Variants in SSH2 observed in about 807,000 individuals in gnomAD.
SSH2 encodes the protein protein phosphatase Slingshot homolog 2.
Under a neutral mutation model 135.2 loss-of-function variants are expected in SSH2, and 37 were observed. The observed-to-expected ratio is 0.27, with a 90% CI of 0.21 to 0.36. SSH2 has a LOEUF of 0.36. Ranked by LOEUF, SSH2 falls within the 10% of genes least tolerant of loss-of-function variation. The pLI is 1.00. For missense variants in SSH2, 1,408 were observed against 1,765.3 expected (o/e 0.80, Z 3.63); for synonymous variants, 628 against 646.2 (o/e 0.97, Z 0.43).
chr17:29,925,271 T>C (rs2067043880), intron 1 of SSH2: 1 of 364,518 alleles, frequency 2.7e-6, no homozygotes, highest in Non-Finnish European at 4.9e-6. Flanking sequence ...TAGGTATCAA[T>C]TCAGAAAATT....
At chr17:29,800,177 T>C (rs2042224956) in intron 2 of SSH2, among the ~76,000 whole-genome samples, 1 of 152,072 alleles carries the variant, frequency 6.6e-6, no homozygotes, top group Non-Finnish European at 1.5e-5. Flanking sequence ...AAATGAATAA[T>C]TTGCTTTCCC....
chr17:29,821,907 G>C (rs2042659012), intron 2 of SSH2, among the ~76,000 whole-genome samples: 1 of 152,098 alleles, frequency 6.6e-6, no homozygotes, highest in Non-Finnish European at 1.5e-5. Flanking sequence ...GCCTCCCAAG[G>C]TGCTGGGATT....
At chr17:29,741,934 C>CTTTTT (rs71138848) in intron 3 of SSH2, among the ~76,000 whole-genome samples, 15 of 97,926 alleles carry the variant, frequency 1.5e-4, no homozygotes, top group Non-Finnish European at 2.6e-4. Context: ...ATTTTTTTTT[C>CTTTTT]TTTTTTTTTT....
intron 3 of SSH2, among the ~76,000 whole-genome samples, chr17:29,746,177 T>C (rs1352012906): frequency 6.6e-6 from 1 of 152,072 alleles, no homozygotes; most frequent in Non-Finnish European, 1.5e-5. Flanking sequence ...CACTCATCTC[T>C]TAGGAAGAGA....
Position 29,631,096 on chromosome 17 carries a change from C to T in SSH2, c.4098G>A (p.Val1366=). The change falls in exon 16 of 16, where the codon GTG becomes GTA. Residue 1366 remains valine, a synonymous_variant. Transcript: ENST00000540801. ...TGGCATACTGCACAAGGGGCCTCTC[C>T]ACTGGCTTGCTCTGCACAATACACT... ...TTECIVQSKP[V]ERPLVQYAKE... The T allele has an allele frequency of 6.2e-7, 1 of 1,614,204 alleles. No individual in the cohort carries two copies. Among genetic ancestry groups the T allele is most frequent in the Non-Finnish European group, 8.5e-7 (1 of 1,180,050 alleles).
intron 3 of SSH2, among the ~76,000 whole-genome samples, chr17:29,714,315 G>A (rs2039540242): frequency 6.6e-6 from 1 of 151,564 alleles, no homozygotes; most frequent in African/African-American, 2.4e-5. Context: ...AAACTGTTCA[G>A]CATTTAAAAA....
At chr17:29,674,935 T>C (rs1346911464) in intron 8 of SSH2, among the ~76,000 whole-genome samples, 1 of 152,248 alleles carries the variant, frequency 6.6e-6, no homozygotes, top group Non-Finnish European at 1.5e-5. Context: ...AAGCTTGCTT[T>C]AGAACATCAA....
intron 8 of SSH2, among the ~76,000 whole-genome samples, chr17:29,673,070 A>C (rs971874139): frequency 6.6e-6 from 1 of 152,164 alleles, no homozygotes; most frequent in African/African-American, 2.4e-5. Flanking sequence ...GAACCCAAGA[A>C]GAGTAAACAA....
intron 3 of SSH2, among the ~76,000 whole-genome samples, chr17:29,724,773 A>G (rs2039943939): frequency 6.6e-6 from 1 of 150,576 alleles, no homozygotes; most frequent in South Asian, 2.1e-4. Context: ...GTATTTTAGT[A>G]GAGACAAGGT....
intron 1 of SSH2, among the ~76,000 whole-genome samples, chr17:29,904,250 T>TAA (rs2066612953): frequency 1.3e-5 from 2 of 152,100 alleles, no homozygotes; most frequent in South Asian, 4.1e-4. Context: ...GAGAAATCCT[T>TAA]AATAAAATAC....
At chr17:29,758,809 C>T (rs1001605833) in intron 3 of SSH2, among the ~76,000 whole-genome samples, 2 of 152,076 alleles carry the variant, frequency 1.3e-5, no homozygotes, top group Non-Finnish European at 2.9e-5. Flanking sequence ...CATGCAATGG[C>T]ACACTCATGG....
rs143486431 is a variant in SSH2, at chr17:29,632,112, C to A, written c.3082G>T (p.Val1028Phe). 13 of 1,614,034 alleles carry A rather than the reference C, an allele frequency of 8.1e-6. No individual in the cohort carries two copies. In the African/African-American group the frequency reaches 1.5e-4, roughly 18 times the overall value. Reference sequence around the variant, plus strand: ...ACCCTCTTGGGAAGGGGAAGAGGGACTGCTTGTGTTTCAGACTCCTGGTAT... The same window carrying A: ...ACCCTCTTGGGAAGGGGAAGAGGGAATGCTTGTGTTTCAGACTCCTGGTAT... ...IPYQESETQAVPLPLPKRVEI... is the reference protein window; with the variant it reads ...IPYQESETQAFPLPLPKRVEI... Residue 1028 changes from valine (V) to phenylalanine (F), a missense_variant, in exon 16 of 16, where the codon GTC (valine) becomes TTC (phenylalanine). Coordinates refer to ENST00000540801, the MANE Select transcript of SSH2 (RefSeq NM_001282129.2).
intron 11 of SSH2, among the ~76,000 whole-genome samples, chr17:29,660,790 C>T (rs553957234): frequency 6.6e-6 from 1 of 152,106 alleles, no homozygotes; most frequent in South Asian, 2.1e-4. Flanking sequence ...GGTGCAGTGG[C>T]TCATGCCTGT....
chr17:29,632,426 C>A lies in SSH2; in HGVS notation c.2768G>T (p.Arg923Leu), dbSNP rs145810496. ...AAPTCTSLST[R>L]KNSKNDSSVA... ...AGAAGAATCATTCTTTGAATTCTTA[C>A]GAGTGGACAATGAGGTACATGTTGG... The change falls in exon 16 of 16, where the codon CGT becomes CTT. Residue 923 changes from arginine (R) to leucine (L), a missense_variant. This residue lies in a region of SSH2 where 1,080 missense variants were observed against 1,144.5 expected (regional missense o/e 0.94). Coordinates refer to ENST00000540801, the MANE Select transcript of SSH2 (RefSeq NM_001282129.2). 2.5e-6 allele frequency: 4 copies of A among 1,614,190 alleles called. No homozygotes were observed. Among genetic ancestry groups the A allele is most frequent in the Non-Finnish European group, 3.4e-6 (4 of 1,180,028 alleles).
At chr17:29,661,963 T>C (rs1023456867) in intron 11 of SSH2, among the ~76,000 whole-genome samples, 73 of 152,162 alleles carry the variant, frequency 4.8e-4, no homozygotes, top group African/African-American at 1.6e-3. Flanking sequence ...ATAATTACTT[T>C]TCTGTACTCA....
intron 3 of SSH2, 67 bp from the exon 4 acceptor site, chr17:29,703,129 C>A (rs754058250): frequency 3.4e-5 from 38 of 1,114,066 alleles, no homozygotes; most frequent in Non-Finnish European, 5.2e-5. Flanking sequence ...GGATGGATAA[C>A]CACTTTTGGA....
At chr17:29,744,331 G>T (rs1567939922) in intron 3 of SSH2, among the ~76,000 whole-genome samples, 1 of 152,164 alleles carries the variant, frequency 6.6e-6, no homozygotes, top group Non-Finnish European at 1.5e-5. Flanking sequence ...TCCCTCTCTG[G>T]CAGGGCCAGG....
chr17:29,799,315 C>CA (rs1209009848), intron 2 of SSH2, among the ~76,000 whole-genome samples: 2 of 152,076 alleles, frequency 1.3e-5, no homozygotes, highest in African/African-American at 2.4e-5. Context: ...ACTGCAGGGT[C>CA]ATAGAGTAAA....
chr17:29,761,256 G>A (rs1221558528), intron 3 of SSH2: 2 of 1,289,282 alleles, frequency 1.6e-6, no homozygotes, highest in South Asian at 1.2e-5. Flanking sequence ...TTCCTCTTGC[G>A]GGCCAACGTG....
Sources: gnomAD v4.1 joint callset for allele counts (sites outside exome capture counted in the v4.1 genomes callset) on GRCh38, gnomAD v4.1.1 for gene constraint, gnomAD v4.1.1 regional missense constraint, MANE v1.5 for transcripts, NCBI Gene and HGNC (gene_info 2026-07-23, HGNC 2026-07-21) for gene names.